The following TMEM74 variants were observed in gnomAD, a reference collection of about 807,000 sequenced individuals.
TMEM74 encodes the protein transmembrane protein 74.
TMEM74 carries 13 observed loss-of-function variants against 18.1 expected under a neutral mutation model. The observed-to-expected ratio is 0.72, with a 90% CI of 0.47 to 1.14. The LOEUF is 1.14. Among genes scored for constraint, TMEM74 ranks in the 50% most tolerant of loss-of-function variants. The pLI, the probability that TMEM74 is intolerant of heterozygous loss-of-function variation, is 0.00. For synonymous variants in TMEM74, 159 were observed against 146.6 expected (o/e 1.08, Z -0.61); for missense variants, 372 against 375.9 (o/e 0.99, Z 0.09).
At chr8:108,686,328 A>G (rs1456817918) in intron 1 of TMEM74, among the ~76,000 whole-genome samples, 3 of 151,836 alleles carry the variant, frequency 2.0e-5, no homozygotes, top group Admixed American at 6.6e-5. Context: ...CCTCCCCAGT[A>G]GCTGGGACTA....
At chr8:108,736,800 G>A (rs1358320724) in intron 1 of TMEM74, among the ~76,000 whole-genome samples, 1 of 152,080 alleles carries the variant, frequency 6.6e-6, no homozygotes, top group Non-Finnish European at 1.5e-5. Context: ...GGTCACACTA[G>A]TGGGCTGTAT....
chr8:108,772,093 C>T (rs895146109), intron 1 of TMEM74, among the ~76,000 whole-genome samples: 6 of 152,068 alleles, frequency 3.9e-5, no homozygotes, highest in African/African-American at 1.4e-4. Flanking sequence ...CTATTATATA[C>T]TAATTATTGA....
At chr8:108,662,040 G>T (rs1812905056) in intron 1 of TMEM74, among the ~76,000 whole-genome samples, 2 of 152,048 alleles carry the variant, frequency 1.3e-5, no homozygotes, top group African/African-American at 2.4e-5. Context: ...TTACAGTGGG[G>T]TGAAAGATAG....
At chr8:108,616,472 A>C (rs2130538523) in intron 2 of TMEM74, among the ~76,000 whole-genome samples, 1 of 152,342 alleles carries the variant, frequency 6.6e-6, no homozygotes, top group South Asian at 2.1e-4. Context: ...TTGTCCAAAA[A>C]TTTTATAAGT....
intron 1 of TMEM74, among the ~76,000 whole-genome samples, chr8:108,756,128 T>C (rs1813957043): frequency 6.6e-6 from 1 of 152,066 alleles, no homozygotes; most frequent in Non-Finnish European, 1.5e-5. Context: ...TTTAATTCTA[T>C]CATTAAAATT....
At chr8:108,619,745 T>C (rs745997256) in intron 2 of TMEM74, among the ~76,000 whole-genome samples, 6 of 152,324 alleles carry the variant, frequency 3.9e-5, no homozygotes, top group Non-Finnish European at 7.4e-5. Context: ...GCTTCTGTAA[T>C]TTGAAGCTAC....
intron 1 of TMEM74, among the ~76,000 whole-genome samples, chr8:108,752,142 A>G (rs189524310): frequency 1.3e-5 from 2 of 152,124 alleles, no homozygotes; most frequent in Non-Finnish European, 2.9e-5. Context: ...ATGAGACAAT[A>G]TTAAAGATGC....
intron 1 of TMEM74, among the ~76,000 whole-genome samples, chr8:108,680,867 C>A (rs1337721613): frequency 6.6e-6 from 1 of 152,102 alleles, no homozygotes; most frequent in East Asian, 1.9e-4. Flanking sequence ...TCTTATACAC[C>A]AATAACAGAC....
At chr8:108,775,391 A>G (rs1337076327), downstream of TMEM74, among the ~76,000 whole-genome samples, 1 of 152,190 alleles carries the variant, frequency 6.6e-6, no homozygotes, top group African/African-American at 2.4e-5. Flanking sequence ...TCCTACTGCT[A>G]CAAGTTTGGG....
intron 2 of TMEM74, among the ~76,000 whole-genome samples, chr8:108,648,632 G>A (rs2130568987): frequency 6.6e-6 from 1 of 152,162 alleles, no homozygotes; most frequent in South Asian, 2.1e-4. Context: ...TGGAAGCCAG[G>A]GTAGCTGTCA....
intron 1 of TMEM74, among the ~76,000 whole-genome samples, chr8:108,687,395 A>G (rs1380601724): frequency 6.6e-6 from 1 of 152,058 alleles, no homozygotes; most frequent in Non-Finnish European, 1.5e-5. Context: ...GAAAAAGTTA[A>G]GTCCTTTATT....
At chr8:108,721,747 G>A (rs1043865603) in intron 1 of TMEM74, among the ~76,000 whole-genome samples, 5 of 152,178 alleles carry the variant, frequency 3.3e-5, no homozygotes, top group East Asian at 1.9e-4. Flanking sequence ...GTTCACCGCT[G>A]TATCCCAGTA....
chr8:108,718,211 G>A lies in TMEM74; in HGVS notation n.120-62774C>T, dbSNP rs1371754469. Among the ~76,000 whole-genome samples the A allele has an allele frequency of 2.8e-5, 2 of 71,026 alleles. 1 individual carries two copies. The highest frequency in any genetic ancestry group is 2.1e-3 in the East Asian group (2 of 934). 46.6% of individuals were successfully genotyped at this position (71,026 alleles called of 152,430 possible). A position where few individuals can be genotyped will look rare whatever the true frequency, so the allele number is the denominator to read the frequency against. The stretch of plus-strand genomic sequence containing the variant: ...CTGACCTCGTGATCCGCCCGCCTCG[G>A]CCTCCCAAAGTGCTGGGATTACAGG... On this transcript the variant is annotated intron_variant and non_coding_transcript_variant, in intron 1 of 3. Transcript: ENST00000518838.
intron 1 of TMEM74, among the ~76,000 whole-genome samples, chr8:108,786,461 C>G (rs1256872923): frequency 5.9e-5 from 9 of 152,184 alleles, no homozygotes; most frequent in Admixed American, 5.9e-4. Flanking sequence ...AACAGAAACA[C>G]AGGCAAGGGT....
chr8:108,784,869 T>G lies in TMEM74; in HGVS notation c.230A>C (p.Gln77Pro), dbSNP rs750425495. 6.2e-7 allele frequency: 1 copy of G among 1,614,176 alleles called. No individual in the cohort carries two copies. The highest frequency in any genetic ancestry group is 8.5e-7 in the Non-Finnish European group (1 of 1,180,030). Residue 77 changes from glutamine to proline, a missense_variant, in exon 2 of 2, where the codon CAG becomes CCG. Transcript: ENST00000297459. ...PSSSLQNSTLQPDAFPPGLLH... is the reference protein window; with the variant it reads ...PSSSLQNSTLPPDAFPPGLLH... ...AAGTCCTGGTGGAAAGGCATCTGGC[T>G]GAAGAGTACTGTTTTGCAGAGAGGA...
intron 1 of TMEM74, among the ~76,000 whole-genome samples, chr8:108,672,578 G>T (rs753073268): frequency 5.3e-5 from 8 of 152,138 alleles, no homozygotes; most frequent in Non-Finnish European, 8.8e-5. Context: ...ATCTATAAAG[G>T]GCTGTTTGTT....
intron 1 of TMEM74, among the ~76,000 whole-genome samples, chr8:108,666,514 C>G (rs1812950865): frequency 6.6e-6 from 1 of 152,154 alleles, no homozygotes. Context: ...TGCTTTGTCC[C>G]AGCTTATGGA....
At chr8:108,673,507 A>G (rs1392910473) in intron 1 of TMEM74, among the ~76,000 whole-genome samples, 1 of 152,210 alleles carries the variant, frequency 6.6e-6, no homozygotes, top group Non-Finnish European at 1.5e-5. Context: ...GCTGAATGTA[A>G]ACATCTCTCA....
intron 1 of TMEM74, among the ~76,000 whole-genome samples, chr8:108,697,156 C>CT (rs999038245): frequency 6.6e-6 from 1 of 152,116 alleles, no homozygotes; most frequent in Non-Finnish European, 1.5e-5. Context: ...TCATCTGTCT[C>CT]ATTTTCCCAC....
Sources: gnomAD v4.1 joint callset for allele counts (sites outside exome capture counted in the v4.1 genomes callset) on GRCh38, gnomAD v4.1.1 for gene constraint, MANE v1.5 for transcripts, NCBI Gene and HGNC (gene_info 2026-07-23, HGNC 2026-07-21) for gene names.